The following GLRA2 variants were observed in gnomAD, a reference collection of about 807,000 sequenced individuals.
GLRA2 encodes glycine receptor subunit alpha-2.
GLRA2 carries 11 observed loss-of-function variants against 31.6 expected under a neutral mutation model. That is an observed-to-expected ratio of 0.35 (90% CI 0.22 to 0.58). The LOEUF is 0.58. GLRA2 is among the 20% of genes least tolerant of loss of function. The pLI is 0.84. For missense variants in GLRA2, 212 were observed against 351.8 expected (o/e 0.60, Z 3.18); for synonymous variants, 132 against 134.0 (o/e 0.99, Z 0.10).
chrX:14,690,550 A>G (rs1017209456), intron 7 of GLRA2, among the ~76,000 whole-genome samples, 160 bp from the exon 8 acceptor site: 2 of 112,019 alleles, frequency 1.8e-5, no homozygotes, highest in Non-Finnish European at 3.8e-5. Flanking sequence ...CAATGGCTTA[A>G]GCACTTTCTT....
intron 2 of GLRA2, among the ~76,000 whole-genome samples, chrX:14,564,306 A>G (rs946315343): frequency 1.8e-5 from 2 of 110,060 alleles, no homozygotes. Flanking sequence ...ATGGGATGAT[A>G]TATTTAAAGT....
chrX:14,570,160 G>A (rs2089864229), intron 2 of GLRA2, among the ~76,000 whole-genome samples: 1 of 111,546 alleles, frequency 9.0e-6, no homozygotes, highest in African/African-American at 3.3e-5. Context: ...GAAAAGTTTT[G>A]GAAACAGACT....
the GLRA2 span, among the ~76,000 whole-genome samples, chrX:14,482,871 G>T: frequency 1.8e-5 from 2 of 110,817 alleles, no homozygotes; most frequent in Admixed American, 9.7e-5. Context: ...GACCCTGTAA[G>T]TTAGATATTA....
rs145578189 is a variant in GLRA2 at position 14,596,886 on chromosome X, A to G, written c.495-7429A>G. Among the ~76,000 whole-genome samples, 410 of 111,147 alleles carry G rather than the reference A, an allele frequency of 3.7e-3. 4 individuals are homozygous for G. Among genetic ancestry groups the G allele is most frequent in the Admixed American group, 0.036 (371 of 10,415 alleles). On this transcript the variant is annotated intron_variant, in intron 4 of 8. Coordinates refer to ENST00000218075, the MANE Select transcript of GLRA2 (RefSeq NM_002063.4). ...GCATTCTAACCAAGCCCATAAGACAATGCTTATGCCCACCAGAGACTGAAA... is the reference window on the plus strand; with the variant it reads ...GCATTCTAACCAAGCCCATAAGACAGTGCTTATGCCCACCAGAGACTGAAA...
At chrX:14,696,218 G>A (rs1204284326) in intron 8 of GLRA2, among the ~76,000 whole-genome samples, 5 of 96,568 alleles carry the variant, frequency 5.2e-5, no homozygotes, top group Non-Finnish European at 1.0e-4. Context: ...GAGGGAGAGT[G>A]CGAGGGAGGG....
chrX:14,672,155 G>C (rs1167457821), intron 7 of GLRA2, among the ~76,000 whole-genome samples: 1 of 112,445 alleles, frequency 8.9e-6, no homozygotes, highest in Non-Finnish European at 1.9e-5. Flanking sequence ...CAGTGGCAAA[G>C]CTGAGGTCCA....
At chrX:14,455,910 G>A in the GLRA2 span, among the ~76,000 whole-genome samples, 3 of 111,204 alleles carry the variant, frequency 2.7e-5, no homozygotes, top group Admixed American at 9.6e-5. Flanking sequence ...AGTTATATTC[G>A]TAAATGAAAT....
chrX:14,632,522 G>A (rs185267782), intron 7 of GLRA2, among the ~76,000 whole-genome samples: 1 of 111,357 alleles, frequency 9.0e-6, no homozygotes, highest in East Asian at 2.8e-4. Context: ...ATTAATAATT[G>A]GTATGTACAG....
intron 3 of GLRA2, among the ~76,000 whole-genome samples, chrX:14,575,853 C>T (rs1278533005): frequency 9.0e-6 from 1 of 111,566 alleles, no homozygotes; most frequent in Non-Finnish European, 1.9e-5. Flanking sequence ...TTCTCGGCTA[C>T]AGCATGGAGG....
At chrX:14,655,898 T>G (rs946529491) in intron 7 of GLRA2, among the ~76,000 whole-genome samples, 2 of 111,871 alleles carry the variant, frequency 1.8e-5, no homozygotes, top group Non-Finnish European at 3.8e-5. Context: ...CTCTCTGTAC[T>G]TATTTCATAA....
upstream of GLRA2, chrX:14,529,268 C>CA (rs754111109): frequency 1.8e-4 from 18 of 102,827 alleles, no homozygotes; most frequent in African/African-American, 6.0e-4. Flanking sequence ...CACCCACCGA[C>CA]AGCCTAGCAT....
At chrX:14,505,733 T>G in the GLRA2 span, among the ~76,000 whole-genome samples, 83 of 111,661 alleles carry the variant, frequency 7.4e-4, no homozygotes, top group African/African-American at 2.5e-3. Flanking sequence ...AACATTTTTT[T>G]CAAATAAAAC....
At chrX:14,632,464 A>G (rs1432799832) in intron 7 of GLRA2, among the ~76,000 whole-genome samples, 1 of 111,854 alleles carries the variant, frequency 8.9e-6, no homozygotes, top group African/African-American at 3.2e-5. Flanking sequence ...TATTTATTAA[A>G]TATATCATCC....
At chrX:14,485,562 C>T in the GLRA2 span, among the ~76,000 whole-genome samples, 6 of 111,547 alleles carry the variant, frequency 5.4e-5, no homozygotes, top group Non-Finnish European at 9.4e-5. Flanking sequence ...ATTAACATAT[C>T]CATCATCTCA....
At chrX:14,592,414 C>CA (rs1241456409) in intron 4 of GLRA2, among the ~76,000 whole-genome samples, 1 of 111,266 alleles carries the variant, frequency 9.0e-6, no homozygotes, top group African/African-American at 3.3e-5. Context: ...CTCACACCTG[C>CA]AATCTTAGCA....
intron 7 of GLRA2, among the ~76,000 whole-genome samples, chrX:14,669,814 T>G (rs893544357): frequency 2.7e-5 from 3 of 111,991 alleles, no homozygotes; most frequent in African/African-American, 9.7e-5. Context: ...TGCAAAGGTC[T>G]CCAACATGCC....
chrX:14,537,765 G>C (rs1422025832), intron 2 of GLRA2, among the ~76,000 whole-genome samples: 2 of 109,707 alleles, frequency 1.8e-5, no homozygotes, highest in Non-Finnish European at 3.8e-5. Context: ...GATGGTGCAA[G>C]GCATTATAAA....
At chrX:14,693,623 C>A (rs2091397420) in intron 8 of GLRA2, among the ~76,000 whole-genome samples, 1 of 111,708 alleles carries the variant, frequency 9.0e-6, no homozygotes. Context: ...CAAACTACAC[C>A]CTCAAATGCA....
intron 7 of GLRA2, among the ~76,000 whole-genome samples, chrX:14,671,276 T>C (rs1163170379): frequency 1.8e-5 from 2 of 112,002 alleles, no homozygotes; most frequent in African/African-American, 3.2e-5. Context: ...GCAGGCATCA[T>C]TTTTGTGATA....
Sources: gnomAD v4.1 joint callset for allele counts (sites outside exome capture counted in the v4.1 genomes callset) on GRCh38, gnomAD v4.1.1 for gene constraint, MANE v1.5 for transcripts, NCBI Gene and HGNC (gene_info 2026-07-23, HGNC 2026-07-21) for gene names.